Variants in SYCP1 observed in about 807,000 individuals in gnomAD.
SYCP1 encodes synaptonemal complex protein 1.
SYCP1 carries 64 observed loss-of-function variants against 153.1 expected under a neutral mutation model. The ratio of observed to expected loss-of-function variants is 0.42; its 90% confidence interval spans 0.34 to 0.51. SYCP1 has a LOEUF of 0.51. Ranked by LOEUF, SYCP1 falls within the 20% of genes least tolerant of loss-of-function variation. SYCP1 has a pLI of 0.06. For missense variants in SYCP1, 997 were observed against 1,049.0 expected (o/e 0.95, Z 0.68); for synonymous variants, 384 against 341.8 (o/e 1.12, Z -1.36).
At chr1:114,936,096 C>CA (rs1266369151) in intron 23 of SYCP1, among the ~76,000 whole-genome samples, 1 of 151,928 alleles carries the variant, frequency 6.6e-6, no homozygotes, top group East Asian at 1.9e-4. Context: ...CGAGACACAA[C>CA]AAAAAAAGAG....
At chr1:114,864,773 C>T (rs1664622467) in intron 8 of SYCP1, among the ~76,000 whole-genome samples, 1 of 152,194 alleles carries the variant, frequency 6.6e-6, no homozygotes, top group African/African-American at 2.4e-5. Context: ...TAGGTGTCAG[C>T]CACTGCCCTG....
chr1:114,860,033 C>G (rs755125746), intron 7 of SYCP1, among the ~76,000 whole-genome samples: 1 of 152,122 alleles, frequency 6.6e-6, no homozygotes, highest in Admixed American at 6.5e-5. Flanking sequence ...TGTCAGGCAT[C>G]AGGAATAAAC....
intron 15 of SYCP1, among the ~76,000 whole-genome samples, chr1:114,895,113 A>G (rs1666971921): frequency 6.6e-6 from 1 of 152,120 alleles, no homozygotes; most frequent in African/African-American, 2.4e-5. Context: ...AGTGAAGATT[A>G]AAATGTCAGA....
At chr1:114,968,684 A>G (rs1206047686) in intron 27 of SYCP1, among the ~76,000 whole-genome samples, 2 of 152,146 alleles carry the variant, frequency 1.3e-5, no homozygotes, top group Non-Finnish European at 2.9e-5. Context: ...CTGTCAATTC[A>G]TCAAACTCAG....
chr1:114,859,596 T>C, intron 6 of SYCP1, 147 bp from the exon 7 acceptor site: 1 of 324,754 alleles, frequency 3.1e-6, no homozygotes, highest in South Asian at 6.0e-5. Flanking sequence ...TCATAAGCTA[T>C]TACAAAAATG....
At chr1:114,923,573 T>C (rs1187719742) in intron 21 of SYCP1, 43 bp downstream of exon 21, 28 of 1,499,940 alleles carry the variant, frequency 1.9e-5, no homozygotes, top group Non-Finnish European at 2.4e-5. Flanking sequence ...AAATTTCAAA[T>C]TATAAAAGCA....
intron 20 of SYCP1, among the ~76,000 whole-genome samples, chr1:114,915,901 C>G (rs1350410940): frequency 6.6e-6 from 1 of 152,132 alleles, no homozygotes; most frequent in Non-Finnish European, 1.5e-5. Context: ...GAAAATGAAG[C>G]TACTGAAGCC....
chr1:114,891,725 C>T (rs1358259874), intron 15 of SYCP1, among the ~76,000 whole-genome samples: 1 of 152,130 alleles, frequency 6.6e-6, no homozygotes, highest in Non-Finnish European at 1.5e-5. Context: ...AGATTCCCCT[C>T]CTAGTAGGTT....
chr1:114,944,177 C>G (rs1670547431), intron 23 of SYCP1, among the ~76,000 whole-genome samples, 162 bp from the exon 24 acceptor site: 1 of 151,608 alleles, frequency 6.6e-6, no homozygotes. Context: ...TTTTTGAAAA[C>G]AAAACACTTC....
chr1:114,914,713 G>A (rs370102932), intron 20 of SYCP1, among the ~76,000 whole-genome samples: 1 of 152,152 alleles, frequency 6.6e-6, no homozygotes, highest in Non-Finnish European at 1.5e-5. Flanking sequence ...TTGCTTTCTA[G>A]GCTAAGTTCC....
At chr1:114,989,118 A>G (rs1557856901) in intron 30 of SYCP1, among the ~76,000 whole-genome samples, 3 of 151,860 alleles carry the variant, frequency 2.0e-5, no homozygotes, top group Admixed American at 6.6e-5. Context: ...AGTGAGCCAT[A>G]ATCACACCAC....
chr1:114,876,153 CT>C lies in SYCP1; in HGVS notation c.727+17del. 6.7e-7 allele frequency: 1 copy of C among 1,503,544 alleles called. No individual in the cohort carries two copies. Among genetic ancestry groups the C allele is most frequent in the East Asian group, 2.3e-5 (1 of 42,632 alleles). 93.1% of individuals were successfully genotyped at this position (1,503,544 alleles called of 1,614,324 possible). On this transcript the variant is annotated intron_variant, in intron 10 of 31. Transcript: ENST00000369522. ...GCATTTTAAGTGTAGGTATAGGGAT[CT>C]TACTTAATTTTTATATTACTGTTTT...
At chr1:114,932,975 C>A (rs539881503) in intron 23 of SYCP1, among the ~76,000 whole-genome samples, 3 of 152,186 alleles carry the variant, frequency 2.0e-5, no homozygotes, top group Non-Finnish European at 2.9e-5. Flanking sequence ...GGGGGCAGGG[C>A]GTAGCTGAAC....
chr1:114,931,034 A>T (rs1466631590), intron 23 of SYCP1, among the ~76,000 whole-genome samples: 1 of 151,940 alleles, frequency 6.6e-6, no homozygotes, highest in Non-Finnish European at 1.5e-5. Flanking sequence ...TAATATAATT[A>T]TCTCAATAGT....
In SYCP1 at chr1:114,923,358, G is replaced by A. The variant is rs1459803742; in HGVS notation, c.1719-91G>A. ...TTTTTTACATTTGGTTAAAGAATGT[G>A]GTCTTTAAGACTTCCTTATTTTGAG... On this transcript the variant is annotated intron_variant, in intron 20 of 31. Transcript: ENST00000369522. 4 of 1,325,774 alleles carry A rather than the reference G, an allele frequency of 3.0e-6. No homozygotes were observed. In the African/African-American group the frequency reaches 4.6e-5, roughly 15 times the overall value. The allele number at this position is 1,325,774 out of a possible 1,614,324, so 82.1% of individuals were successfully genotyped here. A position where few individuals can be genotyped will look rare whatever the true frequency, so the allele number is the denominator to read the frequency against.
intron 27 of SYCP1, among the ~76,000 whole-genome samples, chr1:114,951,046 A>C (rs983760878): frequency 2.0e-5 from 3 of 151,960 alleles, no homozygotes; most frequent in Non-Finnish European, 2.9e-5. Flanking sequence ...GGATGGTCTC[A>C]ATCTCCTGAC....
At chr1:114,913,259 T>G in intron 19 of SYCP1, 109 bp downstream of exon 19, 1 of 854,192 alleles carries the variant, frequency 1.2e-6, no homozygotes, top group Admixed American at 3.0e-5. Flanking sequence ...GCTTTAGAGC[T>G]AAAACTTTGT....
chr1:114,879,550 A>G (rs924906730), intron 12 of SYCP1, among the ~76,000 whole-genome samples: 1 of 152,158 alleles, frequency 6.6e-6, no homozygotes, highest in African/African-American at 2.4e-5. Flanking sequence ...GTCCCCTGTG[A>G]CTAGGAGTGT....
At chr1:114,865,356 T>C (rs1178554138) in intron 8 of SYCP1, among the ~76,000 whole-genome samples, 1 of 152,232 alleles carries the variant, frequency 6.6e-6, no homozygotes, top group African/African-American at 2.4e-5. Context: ...TATTATATCC[T>C]GGATTATGTT....
Sources: allele counts gnomAD v4.1 joint callset (sites outside exome capture counted in the v4.1 genomes callset), GRCh38; gene constraint gnomAD v4.1.1; transcripts MANE v1.5; gene names NCBI Gene and HGNC (gene_info 2026-07-23, HGNC 2026-07-21).